Variants in EFCAB5 observed in about 807,000 individuals in gnomAD.
EFCAB5 encodes EF-hand calcium-binding domain-containing protein 5.
EFCAB5 carries 131 observed loss-of-function variants against 167.9 expected under a neutral mutation model. The ratio of observed to expected loss-of-function variants is 0.78; its 90% CI spans 0.68 to 0.90. EFCAB5 has a LOEUF of 0.90. EFCAB5 is among the 40% of genes least tolerant of loss of function. EFCAB5 has a pLI of 0.00. For missense variants in EFCAB5, 1,663 were observed against 1,745.2 expected, an observed-to-expected ratio of 0.95 and a Z score of 0.84; for synonymous variants, 574 against 602.8, an observed-to-expected ratio of 0.95 and a Z score of 0.70.
At chr17:30,018,524 G>A (rs924216731) in intron 7 of EFCAB5, among the ~76,000 whole-genome samples, 2 of 150,658 alleles carry the variant, frequency 1.3e-5, no homozygotes, top group African/African-American at 4.9e-5. Flanking sequence ...TTCTATTTTT[G>A]GACTGCCTAC....
chr17:29,973,528 G>A (rs1444188983), intron 4 of EFCAB5, among the ~76,000 whole-genome samples: 4 of 142,830 alleles, frequency 2.8e-5, no homozygotes, highest in Non-Finnish European at 6.0e-5. Context: ...CACCCAGGCC[G>A]GAGTGCAGTG....
At chr17:30,056,495 AT>A (rs2070272683) in intron 12 of EFCAB5, among the ~76,000 whole-genome samples, 1 of 152,220 alleles carries the variant, frequency 6.6e-6, no homozygotes, top group Non-Finnish European at 1.5e-5. Context: ...CTAAAACTCA[AT>A]AGAAATCATT....
chr17:30,064,587 G>A (rs1229184965), intron 14 of EFCAB5, among the ~76,000 whole-genome samples: 1 of 152,158 alleles, frequency 6.6e-6, no homozygotes, highest in Non-Finnish European at 1.5e-5. Flanking sequence ...GGGAAAAGAT[G>A]TTGAAAACCT....
intron 3 of EFCAB5, among the ~76,000 whole-genome samples, chr17:29,965,576 A>G (rs2067812731): frequency 6.6e-6 from 1 of 152,184 alleles, no homozygotes; most frequent in Non-Finnish European, 1.5e-5. Context: ...TATATGGTGT[A>G]AGGTAGGCAT....
chr17:29,984,450 T>C (rs1029413279), intron 4 of EFCAB5, among the ~76,000 whole-genome samples: 1 of 152,114 alleles, frequency 6.6e-6, no homozygotes, highest in Non-Finnish European at 1.5e-5. Flanking sequence ...CCAGGCGTGG[T>C]GGCTTACACC....
chr17:30,035,375 T>C (rs2069588899), intron 8 of EFCAB5, among the ~76,000 whole-genome samples: 1 of 152,226 alleles, frequency 6.6e-6, no homozygotes, highest in Admixed American at 6.5e-5. Flanking sequence ...TTTCATTCTT[T>C]GCTTTTCTTC....
At chr17:29,956,150 A>G (rs1207451770) in intron 3 of EFCAB5, among the ~76,000 whole-genome samples, 1 of 152,242 alleles carries the variant, frequency 6.6e-6, no homozygotes, top group Non-Finnish European at 1.5e-5. Context: ...GGAATAGCCA[A>G]ATCTGGAATC....
Position 30,053,257 on chromosome 17 carries a change from C to T in EFCAB5, c.1303C>T (p.Pro435Ser), listed in dbSNP as rs1191879277. The change falls in exon 10 of 23, where the codon CCA becomes TCA. Residue 435 changes from proline (P) to serine (S), a missense_variant and splice_region_variant. Coordinates refer to ENST00000394835, the MANE Select transcript of EFCAB5 (RefSeq NM_198529.4). ...RSLLRNPRQW[P>S]FIEFEEINLT... The stretch of plus-strand genomic sequence containing the variant: ...GAATATTTTGTTTTCTGCATTAGGG[C>T]CATTCATTGAATTTGAAGAGATAAA... 5.6e-6 allele frequency: 9 copies of T among 1,595,860 alleles called. No individual in the cohort carries two copies. The highest frequency in any genetic ancestry group is 7.7e-6 in the Non-Finnish European group (9 of 1,170,656).
upstream of EFCAB5, among the ~76,000 whole-genome samples, chr17:29,938,141 G>C (rs1253642201): frequency 6.6e-6 from 1 of 152,008 alleles, no homozygotes; most frequent in Non-Finnish European, 1.5e-5. Flanking sequence ...AGATATTTTG[G>C]GTTTGGTTCC....
intron 14 of EFCAB5, among the ~76,000 whole-genome samples, chr17:30,067,126 T>C (rs1174084941): frequency 6.6e-6 from 1 of 152,198 alleles, no homozygotes; most frequent in East Asian, 1.9e-4. Context: ...TTTTAGAAAA[T>C]TGAAGAGGAG....
intron 22 of EFCAB5, among the ~76,000 whole-genome samples, chr17:30,101,876 A>G (rs979296107): frequency 1.3e-5 from 2 of 152,222 alleles, no homozygotes; most frequent in African/African-American, 4.8e-5. Context: ...GTCCTCAAGC[A>G]CGTCAGAGAG....
intron 6 of EFCAB5, 35 bp from the exon 7 acceptor site, chr17:29,999,870 TA>T: frequency 6.8e-7 from 1 of 1,466,828 alleles, no homozygotes; most frequent in Non-Finnish European, 9.3e-7. Flanking sequence ...TATTACAACC[TA>T]ACTAACTAGC....
In EFCAB5 at chr17:30,034,363, T is replaced by C. The variant is rs1411502125; in HGVS notation, c.1178T>C (p.Phe393Ser). ...DMRRQMFAELFLHCDHGKVGF... is the reference protein window; with the variant it reads ...DMRRQMFAELSLHCDHGKVGF... The stretch of plus-strand genomic sequence containing the variant: ...CGGAGGCAGATGTTCGCTGAACTCT[T>C]CCTACATTGTGACCACGGGAAGGTG... Residue 393 changes from phenylalanine (F) to serine (S), a missense_variant, in exon 8 of 23, where the codon TTC becomes TCC. By Grantham distance (155) the Phe-to-Ser change is radical (BLOSUM62 -2). Transcript: ENST00000394835. The C allele has an allele frequency of 6.2e-7, 1 of 1,606,232 alleles. No homozygotes were observed. The highest frequency in any genetic ancestry group is 1.1e-5 in the South Asian group (1 of 90,278).
intron 18 of EFCAB5, among the ~76,000 whole-genome samples, chr17:30,085,919 C>T (rs1424021946): frequency 6.6e-6 from 1 of 152,148 alleles, no homozygotes; most frequent in East Asian, 1.9e-4. Context: ...AGCTGTTCCT[C>T]TTCCAAGCAC....
intron 18 of EFCAB5, among the ~76,000 whole-genome samples, chr17:30,086,424 G>GGA (rs1409411186): frequency 6.6e-6 from 1 of 152,118 alleles, no homozygotes; most frequent in Non-Finnish European, 1.5e-5. Context: ...AGGAGAACCA[G>GGA]GAGAGAGTGT....
chr17:30,093,174 A>C (rs1245536611), intron 22 of EFCAB5, among the ~76,000 whole-genome samples: 5 of 152,246 alleles, frequency 3.3e-5, no homozygotes, highest in African/African-American at 1.2e-4. Context: ...CTACATGTGC[A>C]TTATTTATTT....
chr17:30,021,201 G>A (rs1196580190), intron 7 of EFCAB5, among the ~76,000 whole-genome samples: 1 of 151,100 alleles, frequency 6.6e-6, no homozygotes, highest in African/African-American at 2.4e-5. Context: ...AGAGAGGAAA[G>A]TTAGGTTAGA....
intron 14 of EFCAB5, chr17:30,073,543 T>G (rs1218338234): frequency 1.7e-6 from 1 of 587,704 alleles, no homozygotes; most frequent in Non-Finnish European, 3.1e-6. Context: ...CCATTTTAAG[T>G]AAATTATAGA....
chr17:30,013,271 G>A (rs1597667446), intron 7 of EFCAB5, among the ~76,000 whole-genome samples: 1 of 151,914 alleles, frequency 6.6e-6, no homozygotes, highest in Non-Finnish European at 1.5e-5. Context: ...CTCTTTTTTT[G>A]TTGTGTCTCT....
Sources: gnomAD v4.1 joint callset for allele counts (sites outside exome capture counted in the v4.1 genomes callset) on GRCh38, gnomAD v4.1.1 for gene constraint, MANE v1.5 for transcripts, NCBI Gene and HGNC (gene_info 2026-07-23, HGNC 2026-07-21) for gene names.